The following STK3 variants were observed in gnomAD, a reference collection of about 807,000 sequenced individuals.
STK3 encodes the protein serine/threonine-protein kinase 3.
A neutral mutation model predicts 58.0 loss-of-function variants in STK3; 41 were observed. The ratio of observed to expected loss-of-function variants is 0.71; its 90% CI spans 0.55 to 0.92. STK3 has a LOEUF of 0.92. Among genes scored for constraint, STK3 ranks in the 40% least tolerant of loss-of-function variants. The pLI is 0.00. For missense variants in STK3, 479 were observed against 602.7 expected (o/e 0.79, Z 2.15); for synonymous variants, 170 against 191.0 (o/e 0.89, Z 0.91).
At position 98,612,398 on chromosome 8, in the gene STK3, T is replaced by C. The variant is rs577039055; in HGVS notation, c.685-16229A>G. 4.6e-3 allele frequency among the ~76,000 whole-genome samples: 679 copies of C among 148,630 alleles called. 10 individuals carry two copies. The highest frequency in any genetic ancestry group is 0.015 in the African/African-American group (617 of 40,282). On this transcript the variant is annotated intron_variant, in intron 6 of 10. Transcript: ENST00000419617. Reference sequence around the variant, plus strand: ...CTGTTTCTAAACATATATATATATATACACACACACACATATGAATTCTAT... The same window carrying C: ...CTGTTTCTAAACATATATATATATACACACACACACACATATGAATTCTAT...
chr8:98,681,518 A>G (rs1281944061), intron 6 of STK3, among the ~76,000 whole-genome samples: 1 of 152,206 alleles, frequency 6.6e-6, no homozygotes, highest in African/African-American at 2.4e-5. Context: ...TCAACCAATC[A>G]AAACCAGGCC....
intron 6 of STK3, among the ~76,000 whole-genome samples, chr8:98,677,265 T>C (rs1287002881): frequency 1.3e-5 from 2 of 152,042 alleles, no homozygotes; most frequent in Non-Finnish European, 2.9e-5. Context: ...CATTCTAAAA[T>C]CAGACTAAGT....
chr8:98,430,375 G>A (rs1332805039), intron 3 of STK3: 2 of 167,090 alleles, frequency 1.2e-5, no homozygotes, highest in Non-Finnish European at 2.9e-5. Flanking sequence ...ATGTTTAGGA[G>A]TAAGGTCGTG....
At chr8:98,587,916 G>A (rs982556433) in intron 7 of STK3, among the ~76,000 whole-genome samples, 8 of 152,070 alleles carry the variant, frequency 5.3e-5, no homozygotes, top group Admixed American at 5.2e-4. Context: ...GACTAGGATT[G>A]CAACCCCTGC....
At chr8:98,372,221 C>T (rs1187223152) in intron 2 of STK3, among the ~76,000 whole-genome samples, 2 of 152,216 alleles carry the variant, frequency 1.3e-5, no homozygotes, top group Non-Finnish European at 2.9e-5. Flanking sequence ...ACCTTCATTT[C>T]AGACTTTTAG....
At chr8:98,500,411 G>A (rs900737528) in intron 10 of STK3, among the ~76,000 whole-genome samples, 2 of 152,070 alleles carry the variant, frequency 1.3e-5, no homozygotes, top group Non-Finnish European at 2.9e-5. Context: ...TGTGCACAAC[G>A]TGCAGGTTTG....
At chr8:98,825,379 C>T in intron 1 of STK3, 136 bp downstream of exon 1, 1 of 737,712 alleles carries the variant, frequency 1.4e-6, no homozygotes, top group Non-Finnish European at 1.9e-6. Flanking sequence ...CACTCGGACC[C>T]GCCTCCCGAC....
the STK3 span, among the ~76,000 whole-genome samples, chr8:98,349,881 C>A: frequency 6.6e-6 from 1 of 152,030 alleles, no homozygotes; most frequent in Non-Finnish European, 1.5e-5. Flanking sequence ...CCATTTTTTT[C>A]TCCTAGGCCT....
At chr8:98,838,074 C>CAAAAAAAAAAAAA (rs58973724) in intron 3 of STK3, among the ~76,000 whole-genome samples, 1 of 58,756 alleles carries the variant, frequency 1.7e-5, no homozygotes, top group Non-Finnish European at 3.3e-5. Flanking sequence ...ACTAAAAATA[C>CAAAAAAAAAAAAA]AAAAAAAAAA....
intron 3 of STK3, among the ~76,000 whole-genome samples, chr8:98,849,158 G>A (rs1387629370): frequency 1.3e-5 from 2 of 151,128 alleles, no homozygotes; most frequent in African/African-American, 4.9e-5. Flanking sequence ...CCCAAGAGGC[G>A]GAGCTTGCAG....
rs181621530 is a variant in STK3, at chr8:98,502,787, G to A, written c.1317+23955C>T. ...TCATGGTGGATAAGCTTTTTGATGT[G>A]TTGCTGGATTCGGTTTCCCAGTATT... On this transcript the variant is annotated intron_variant, in intron 10 of 10. Transcript: ENST00000419617. Among the ~76,000 whole-genome samples the A allele has an allele frequency of 2.0e-5, 3 of 152,300 alleles. No homozygotes were observed. In the East Asian group the frequency reaches 5.8e-4, roughly 29 times the overall value.
At chr8:98,482,348 T>C (rs561115180) in intron 10 of STK3, among the ~76,000 whole-genome samples, 54 of 152,348 alleles carry the variant, frequency 3.5e-4, no homozygotes, top group African/African-American at 1.3e-3. Context: ...AAATGTTCTT[T>C]ACCAACTTTT....
intron 3 of STK3, among the ~76,000 whole-genome samples, chr8:98,765,400 A>C (rs1830879902): frequency 6.6e-6 from 1 of 152,238 alleles, no homozygotes; most frequent in Non-Finnish European, 1.5e-5. Flanking sequence ...AGGATTATGC[A>C]ATCACTTCAT....
chr8:98,353,320 A>C, the STK3 span, among the ~76,000 whole-genome samples: 1 of 152,080 alleles, frequency 6.6e-6, no homozygotes, highest in Non-Finnish European at 1.5e-5. Context: ...ACAAAAAAAC[A>C]AAAACAAAAA....
intron 4 of STK3, among the ~76,000 whole-genome samples, chr8:98,747,001 C>T (rs1394341502): frequency 1.3e-5 from 2 of 150,760 alleles, no homozygotes; most frequent in Admixed American, 6.6e-5. Flanking sequence ...GTGATCACAC[C>T]ACTGCATTCT....
the STK3 span, among the ~76,000 whole-genome samples, chr8:98,353,009 A>G: frequency 2.6e-5 from 4 of 152,234 alleles, no homozygotes; most frequent in African/African-American, 9.6e-5. Context: ...TAGCATATAC[A>G]TTCAGAGTCA....
At chr8:98,450,977 C>G (rs56776626), downstream of STK3, among the ~76,000 whole-genome samples, 6 of 152,328 alleles carry the variant, frequency 3.9e-5, no homozygotes, top group East Asian at 9.6e-4. Flanking sequence ...CTGGCATTAA[C>G]TAGCTGTGTG....
intron 6 of STK3, among the ~76,000 whole-genome samples, chr8:98,697,485 G>T (rs1825074866): frequency 6.6e-6 from 1 of 152,114 alleles, no homozygotes; most frequent in African/African-American, 2.4e-5. Context: ...GCTTTCTCTT[G>T]TGGGCATTTA....
At chr8:98,353,034 G>A in the STK3 span, among the ~76,000 whole-genome samples, 1 of 152,222 alleles carries the variant, frequency 6.6e-6, no homozygotes, top group Non-Finnish European at 1.5e-5. Context: ...TGATGGTGAT[G>A]CCAAGCAACC....
Sources: allele counts gnomAD v4.1 joint callset (sites outside exome capture counted in the v4.1 genomes callset), GRCh38; gene constraint gnomAD v4.1.1; transcripts MANE v1.5; gene names NCBI Gene and HGNC (gene_info 2026-07-23, HGNC 2026-07-21).